Variants in GLIS1 observed in about 807,000 individuals in gnomAD.
The protein encoded by GLIS1 is zinc finger protein GLIS1.
A neutral mutation model predicts 63.8 loss-of-function variants in GLIS1; 24 were observed. The observed-to-expected ratio is 0.38, with a 90% confidence interval of 0.27 to 0.53. The LOEUF (loss-of-function observed/expected upper bound fraction) is 0.53, where lower values mean the gene tolerates loss of function less well. Ranked by LOEUF, GLIS1 falls within the 20% of genes least tolerant of loss-of-function variation. The pLI is 0.85. For synonymous variants in GLIS1, 450 were observed against 482.5 expected, an observed-to-expected ratio of 0.93 and a Z score of 0.88; for missense variants, 1,036 against 1,074.1, an observed-to-expected ratio of 0.96 and a Z score of 0.50.
At chr1:53,554,822 C>T (rs949812186) in intron 4 of GLIS1, among the ~76,000 whole-genome samples, 1 of 152,208 alleles carries the variant, frequency 6.6e-6, no homozygotes, top group Non-Finnish European at 1.5e-5. Flanking sequence ...GCCCTGCCCT[C>T]GACACACCCC....
chr1:53,616,319 C>T (rs192309160), intron 2 of GLIS1, among the ~76,000 whole-genome samples: 4 of 152,246 alleles, frequency 2.6e-5, no homozygotes, highest in East Asian at 1.9e-4. Flanking sequence ...CTGTTGAAAT[C>T]GCTAAGAAAA....
rs1412729731 is a variant in GLIS1 at position 53,639,055 on chromosome 1, G to C, written c.260-38777C>G. ...GACAGCACCGGCCCCTGAATCAAAG[G>C]ATTGAAACTAGGATCTGCCACTGGT... On this transcript the variant is annotated intron_variant, in intron 2 of 10. Transcript: ENST00000628545. This position sits in a 1 kb window ranked among gnomAD's most constrained non-coding sequence, Gnocchi z 4.6. Among the ~76,000 whole-genome samples the C allele has an allele frequency of 6.6e-6, 1 of 152,174 alleles. No individual in the cohort carries two copies. Among genetic ancestry groups the C allele is most frequent in the Non-Finnish European group, 1.5e-5 (1 of 68,036 alleles).
rs753275055 is a variant in GLIS1, at chr1:53,594,648, G to A, written c.780C>T (p.Asp260=). The A allele has an allele frequency of 6.4e-5, 99 of 1,557,886 alleles. No individual in the cohort carries two copies. The highest frequency in any genetic ancestry group is 5.4e-5 in the African/African-American group (4 of 73,562). ...GGGAGGAGCGGATGATGGAGGTGAC[G>A]TCGGAGGAGGCACAGGGTGAGGAGG... The part of the protein sequence containing the change: ...PASSSPCASS[D]VTSIIRSSQT... The change falls in exon 4 of 11, where the codon GAC becomes GAT. Residue 260 remains aspartate (D), a synonymous_variant. Coordinates refer to ENST00000628545, the MANE Select transcript of GLIS1 (RefSeq NM_001367484.1).
intron 2 of GLIS1, among the ~76,000 whole-genome samples, chr1:53,650,780 G>A (rs1645898568): frequency 6.6e-6 from 1 of 152,180 alleles, no homozygotes; most frequent in Non-Finnish European, 1.5e-5. Flanking sequence ...AGGTGAATCA[G>A]GACGCTCCCC....
intron 4 of GLIS1, 95 bp downstream of exon 4, chr1:53,594,013 G>A (rs1645220088): frequency 7.2e-7 from 1 of 1,385,764 alleles, no homozygotes; most frequent in Admixed American, 2.4e-5. Context: ...CCAGCCCAGA[G>A]GACGGAGTCC....
intron 2 of GLIS1, among the ~76,000 whole-genome samples, chr1:53,612,434 G>T (rs1330923722): frequency 6.6e-6 from 1 of 152,074 alleles, no homozygotes; most frequent in Non-Finnish European, 1.5e-5. Context: ...TAGAGACGGG[G>T]TTTCACTGTG....
At chr1:53,611,278 C>G (rs1203410906) in intron 2 of GLIS1, among the ~76,000 whole-genome samples, 1 of 152,166 alleles carries the variant, frequency 6.6e-6, no homozygotes, top group Non-Finnish European at 1.5e-5. Context: ...TTTGTAGAGA[C>G]AGGGTCTCAA....
intron 4 of GLIS1, among the ~76,000 whole-genome samples, chr1:53,566,290 G>A (rs1179698130): frequency 1.3e-5 from 2 of 151,800 alleles, no homozygotes; most frequent in East Asian, 3.9e-4. Context: ...CAGGAAGGAA[G>A]AAATAAAACT....
chr1:53,634,930 T>C (rs1245195905), intron 2 of GLIS1, among the ~76,000 whole-genome samples: 3 of 152,250 alleles, frequency 2.0e-5, no homozygotes, highest in African/African-American at 7.2e-5. Flanking sequence ...TCCTGCTCCC[T>C]GGGATCACTT....
chr1:53,736,217 T>A (rs1557548578), intron 2 of GLIS1, among the ~76,000 whole-genome samples: 1 of 152,198 alleles, frequency 6.6e-6, no homozygotes, highest in Non-Finnish European at 1.5e-5. Context: ...CCAAATGGAA[T>A]CCTGACTTAA....
intron 2 of GLIS1, among the ~76,000 whole-genome samples, chr1:53,717,838 G>A (rs1247291163): frequency 6.6e-6 from 1 of 152,068 alleles, no homozygotes; most frequent in Non-Finnish European, 1.5e-5. Context: ...CCAGCATCTA[G>A]AAGAGTGCCT....
intron 2 of GLIS1, among the ~76,000 whole-genome samples, chr1:53,608,733 G>A (rs540991935): frequency 6.6e-6 from 1 of 152,286 alleles, no homozygotes; most frequent in Admixed American, 6.5e-5. Flanking sequence ...TATGATTGTT[G>A]TTCTTATTAA....
intron 2 of GLIS1, among the ~76,000 whole-genome samples, chr1:53,649,545 C>T (rs1304558572): frequency 6.6e-6 from 1 of 152,138 alleles, no homozygotes; most frequent in East Asian, 1.9e-4. Context: ...CCATAGGACC[C>T]ATATGAACTG....
intron 2 of GLIS1, among the ~76,000 whole-genome samples, chr1:53,717,445 G>C (rs968677727): frequency 2.0e-5 from 3 of 152,110 alleles, no homozygotes; most frequent in African/African-American, 7.2e-5. Context: ...AAAATTATGG[G>C]GCTAAACCAA....
chr1:53,704,096 C>G (rs35766340), intron 2 of GLIS1, among the ~76,000 whole-genome samples: 365 of 152,366 alleles, frequency 2.4e-3, no homozygotes, highest in Middle Eastern at 0.01. Context: ...AACAAACAAC[C>G]CTTCTCCCTC....
intron 2 of GLIS1, among the ~76,000 whole-genome samples, chr1:53,616,053 G>A (rs1645479295): frequency 6.6e-6 from 1 of 152,112 alleles, no homozygotes; most frequent in African/African-American, 2.4e-5. Flanking sequence ...CAGCTCTAAG[G>A]TAATACAATT....
Position 53,687,512 on chromosome 1 carries a change from T to G in GLIS1, c.259+50294A>C, listed in dbSNP as rs137935946. 8.5e-5 allele frequency among the ~76,000 whole-genome samples: 13 copies of G among 152,152 alleles called. No homozygotes were observed. The East Asian group carries it at 2.5e-3, about 29-fold the overall frequency. The stretch of plus-strand genomic sequence containing the variant: ...AATAACTCCTCATGGAAGACCCGAG[T>G]ACATCCCCGCTCTCCTGTGAGAGCC... On this transcript the variant is annotated intron_variant, in intron 2 of 10. Coordinates refer to ENST00000628545, the MANE Select transcript of GLIS1 (RefSeq NM_001367484.1).
chr1:53,514,594 C>T (rs747168926), intron 8 of GLIS1, 31 bp downstream of exon 8: 6 of 1,603,354 alleles, frequency 3.7e-6, no homozygotes, highest in Non-Finnish European at 5.1e-6. Flanking sequence ...CCCTTGTTGC[C>T]CCTGGAGGAG....
chr1:53,555,486 C>T (rs1172220398), intron 4 of GLIS1, among the ~76,000 whole-genome samples: 2 of 152,056 alleles, frequency 1.3e-5, no homozygotes, highest in African/African-American at 2.4e-5. Flanking sequence ...GCCAAGATCG[C>T]GCCACTACAC....
Sources: gnomAD v4.1 joint callset for allele counts (sites outside exome capture counted in the v4.1 genomes callset) on GRCh38, gnomAD v4.1.1 for gene constraint, Gnocchi (gnomAD v3.1) non-coding constraint, MANE v1.5 for transcripts, NCBI Gene and HGNC (gene_info 2026-07-23, HGNC 2026-07-21) for gene names.